The following VPS45 variants were observed in gnomAD, a reference collection of about 807,000 sequenced individuals.
VPS45 encodes the protein vacuolar protein sorting 45 homolog, also known as vacuolar protein sorting-associated protein 45.
A neutral mutation model predicts 75.9 loss-of-function variants in VPS45; 35 were observed. The ratio of observed to expected loss-of-function variants is 0.46; its 90% CI spans 0.35 to 0.61. The LOEUF (loss-of-function observed/expected upper bound fraction) is 0.61, where lower values mean the gene tolerates loss of function less well. VPS45 is among the 20% of genes least tolerant of loss of function. The pLI is 0.00. For missense variants in VPS45, 559 were observed against 685.9 expected (o/e 0.81, Z 2.07); for synonymous variants, 220 against 238.2 (o/e 0.92, Z 0.70).
intron 13 of VPS45, 82 bp from the exon 14 acceptor site, chr1:150,110,414 A>T: frequency 1.5e-6 from 2 of 1,322,244 alleles, no homozygotes; most frequent in Non-Finnish European, 1.0e-6. Flanking sequence ...AAAAAGATTT[A>T]GAAATTAAAA....
intron 13 of VPS45, 103 bp downstream of exon 13, chr1:150,093,751 C>T: frequency 7.3e-7 from 1 of 1,365,582 alleles, no homozygotes; most frequent in South Asian, 1.7e-5. Flanking sequence ...CATTCTGCTG[C>T]TCCTTTCTTC....
intron 13 of VPS45, among the ~76,000 whole-genome samples, chr1:150,103,779 G>C (rs191417394): frequency 2.0e-5 from 3 of 152,256 alleles, no homozygotes; most frequent in African/African-American, 4.8e-5. Flanking sequence ...CATTTTCCAT[G>C]ATGCTCTCAT....
chr1:150,076,046 C>G (rs1221213037), intron 3 of VPS45, among the ~76,000 whole-genome samples, 187 bp from the exon 4 acceptor site: 2 of 146,194 alleles, frequency 1.4e-5, no homozygotes, highest in Non-Finnish European at 3.0e-5. Flanking sequence ...GCCACCGCGC[C>G]TGGCCAGTCC....
At chr1:150,122,216 G>A (rs1398624216) in intron 14 of VPS45, among the ~76,000 whole-genome samples, 2 of 152,180 alleles carry the variant, frequency 1.3e-5, no homozygotes, top group Non-Finnish European at 2.9e-5. Context: ...AGCTACATGG[G>A]AGGCTGAGGC....
chr1:150,135,826 A>G (rs911701809), intron 14 of VPS45, among the ~76,000 whole-genome samples: 5 of 150,680 alleles, frequency 3.3e-5, no homozygotes, highest in Non-Finnish European at 4.4e-5. Flanking sequence ...TTTAGTAGAA[A>G]TGGGGTTTCA....
intron 10 of VPS45, among the ~76,000 whole-genome samples, chr1:150,091,618 T>A (rs1217702234): frequency 2.6e-5 from 4 of 152,202 alleles, no homozygotes; most frequent in Non-Finnish European, 4.4e-5. Flanking sequence ...GCCGTATTGA[T>A]TCAAGTCGTG....
chr1:150,070,306 CAAT>C (rs1654981697), intron 2 of VPS45, among the ~76,000 whole-genome samples: 1 of 152,090 alleles, frequency 6.6e-6, no homozygotes, highest in Admixed American at 6.6e-5. Context: ...AGTGGACACT[CAAT>C]AAACAGTTGC....
chr1:150,077,321 A>ATCATCT, intron 6 of VPS45, 90 bp downstream of exon 6: 3 of 1,474,968 alleles, frequency 2.0e-6, no homozygotes, highest in Non-Finnish European at 2.7e-6. Context: ...TTTATTTACA[A>ATCATCT]CCAAGGAGAT....
intron 13 of VPS45, among the ~76,000 whole-genome samples, chr1:150,098,341 A>G (rs58106888): frequency 0.034 from 5,181 of 152,346 alleles, 244 homozygotes; most frequent in African/African-American, 0.11. Flanking sequence ...TTTACAAATA[A>G]TAGGTGTTCA....
At chr1:150,076,063 A>AATATATATATATAT (rs71825614) in intron 3 of VPS45, among the ~76,000 whole-genome samples, 170 bp from the exon 4 acceptor site, 70 of 140,052 alleles carry the variant, frequency 5.0e-4, no homozygotes, top group African/African-American at 1.9e-3. Flanking sequence ...GTCCTTTTAA[A>AATATATATATATAT]ATATATATAT....
At position 150,110,497 on chromosome 1, in the gene VPS45, C is replaced by A; in HGVS notation, c.1495C>A (p.Pro499Thr). Reference sequence around the variant, plus strand: ...ATATCTCATTCTTCATTATTGCAGACCTCAGGATATCATTGTGTTTGTAAT... The same window carrying A: ...ATATCTCATTCTTCATTATTGCAGAACTCAGGATATCATTGTGTTTGTAAT... Reference protein sequence around the residue: ...YLGPSTLRDRPQDIIVFVIGG... With the variant: ...YLGPSTLRDRTQDIIVFVIGG... The change falls in exon 14 of 15, where the codon CCT (proline) becomes ACT (threonine). Residue 499 changes from proline (P) to threonine (T), a missense_variant and splice_region_variant. By Grantham distance (38) the Pro-to-Thr change is conservative. Coordinates refer to ENST00000644510, the MANE Select transcript of VPS45 (RefSeq NM_007259.5). 6.2e-7 allele frequency: 1 copy of A among 1,612,304 alleles called. No individual in the cohort carries two copies. Among genetic ancestry groups the A allele is most frequent in the South Asian group, 1.1e-5 (1 of 90,912 alleles).
At chr1:150,121,276 C>T (rs781828717) in intron 14 of VPS45, among the ~76,000 whole-genome samples, 6 of 152,010 alleles carry the variant, frequency 3.9e-5, no homozygotes, top group Non-Finnish European at 8.8e-5. Context: ...TTTTTCATTT[C>T]ATATATAATG....
At chr1:150,076,666 T>C (rs904497362) in intron 4 of VPS45, 2 of 554,508 alleles carry the variant, frequency 3.6e-6, no homozygotes, top group African/African-American at 1.9e-5. Context: ...CATAGAGGTC[T>C]CCAGAAATAT....
rs1553796339 is a variant in VPS45, at chr1:150,068,694, A to G, written c.158A>G (p.Glu53Gly). The G allele has an allele frequency of 2.5e-6, 4 of 1,613,372 alleles. No individual in the cohort carries two copies. In the African/African-American group the frequency reaches 5.3e-5, roughly 22 times the overall value. Residue 53 changes from glutamate to glycine, a missense_variant, in exon 2 of 15, where the codon GAA becomes GGA. Transcript: ENST00000644510. ...CTACAGAAGGAAGTGTACCTCTTTG[A>G]ACGCATTGATTCTCAAAATCGAGAG... The part of the protein sequence containing the change: ...EILQKEVYLF[E>G]RIDSQNREIM...
intron 13 of VPS45, among the ~76,000 whole-genome samples, chr1:150,100,273 C>T (rs1401259526): frequency 1.3e-5 from 2 of 152,048 alleles, no homozygotes; most frequent in Middle Eastern, 3.2e-3. Context: ...ATACAGCTAA[C>T]CAGGAAGGTG....
At chr1:150,068,016 C>G in intron 1 of VPS45, 66 bp downstream of exon 1, 4 of 1,460,120 alleles carry the variant, frequency 2.7e-6, no homozygotes, top group Non-Finnish European at 2.9e-6. Flanking sequence ...TCGTCCCATT[C>G]CACTGTAGGA....
intron 9 of VPS45, among the ~76,000 whole-genome samples, 175 bp downstream of exon 9, chr1:150,082,172 G>A (rs1553799550): frequency 6.6e-6 from 1 of 152,188 alleles, no homozygotes; most frequent in Non-Finnish European, 1.5e-5. Flanking sequence ...GATAAGCCAT[G>A]TGCTTCTTTC....
At chr1:150,095,574 C>G (rs1409221223) in intron 13 of VPS45, among the ~76,000 whole-genome samples, 2 of 149,956 alleles carry the variant, frequency 1.3e-5, no homozygotes, top group East Asian at 3.9e-4. Context: ...AAATTTGCAC[C>G]GTTGCACTCG....
In VPS45 at chr1:150,145,266, C is replaced by A; in HGVS notation, c.*470C>A. On this transcript the variant is annotated 3_prime_UTR_variant, in exon 15 of 15. Coordinates refer to ENST00000644510, the MANE Select transcript of VPS45 (RefSeq NM_007259.5). ...CCAAAAATTTTTTGTCCCTACATAG[C>A]AATTTTCTGTGGCACTGAGAAACCA... 1 of 182,538 alleles carries A rather than the reference C, an allele frequency of 5.5e-6. No individual in the cohort carries two copies. The highest frequency in any genetic ancestry group is 5.9e-5 in the Admixed American group (1 of 17,006). The allele number at this position is 182,538 out of a possible 1,614,324, so 11.3% of individuals were successfully genotyped here.
Sources: gnomAD v4.1 joint callset for allele counts (sites outside exome capture counted in the v4.1 genomes callset) on GRCh38, gnomAD v4.1.1 for gene constraint, MANE v1.5 for transcripts, NCBI Gene and HGNC (gene_info 2026-07-23, HGNC 2026-07-21) for gene names.